The following TBC1D1 variants were observed in gnomAD, a reference collection of about 807,000 sequenced individuals.
The protein encoded by TBC1D1 is TBC1 (tre-2/USP6, BUB2, cdc16) domain family, member 1.
Under a neutral mutation model 125.6 loss-of-function variants are expected in TBC1D1, and 89 were observed. The observed-to-expected ratio is 0.71, with a 90% confidence interval of 0.60 to 0.85. The LOEUF (loss-of-function observed/expected upper bound fraction) is 0.85. Ranked by LOEUF, TBC1D1 falls within the 40% of genes least tolerant of loss-of-function variation. The pLI is 0.00. For synonymous variants in TBC1D1, 565 were observed against 564.1 expected (o/e 1.00, Z -0.02); for missense variants, 1,377 against 1,469.2 (o/e 0.94, Z 1.03).
chr4:37,921,246 C>T (rs1720918511), intron 2 of TBC1D1, among the ~76,000 whole-genome samples: 1 of 150,930 alleles, frequency 6.6e-6, no homozygotes, highest in Non-Finnish European at 1.5e-5. Flanking sequence ...TGACCTTTGG[C>T]AGTGGAGTAA....
At chr4:38,125,685 C>T (rs536247521) in intron 18 of TBC1D1, among the ~76,000 whole-genome samples, 23 of 152,090 alleles carry the variant, frequency 1.5e-4, no homozygotes, top group African/African-American at 5.1e-4. Flanking sequence ...GAACCATTAT[C>T]CTCTGAAGTG....
At chr4:37,930,095 A>G (rs894436291) in intron 2 of TBC1D1, among the ~76,000 whole-genome samples, 8 of 152,336 alleles carry the variant, frequency 5.3e-5, no homozygotes, top group African/African-American at 1.9e-4. Context: ...CAGTAGCCCA[A>G]AACTGGAAAC....
intron 12 of TBC1D1, among the ~76,000 whole-genome samples, chr4:38,088,876 T>TGCCCAATAG (rs1757979048): frequency 6.6e-6 from 1 of 152,216 alleles, no homozygotes; most frequent in Non-Finnish European, 1.5e-5. Context: ...CCCTATTAAG[T>TGCCCAATAG]GCAGTGCAAC....
chr4:38,135,526 G>A (rs549606132), intron 19 of TBC1D1, among the ~76,000 whole-genome samples: 23 of 152,358 alleles, frequency 1.5e-4, no homozygotes, highest in African/African-American at 4.8e-4. Flanking sequence ...AATAGCAAAT[G>A]ACCATGCAAA....
intron 2 of TBC1D1, among the ~76,000 whole-genome samples, chr4:38,006,021 T>C (rs1334147854): frequency 6.6e-6 from 1 of 152,212 alleles, no homozygotes; most frequent in African/African-American, 2.4e-5. Context: ...TGTATGTGAT[T>C]ACAGCCCTTT....
chr4:38,068,553 G>T (rs142195946), intron 12 of TBC1D1, among the ~76,000 whole-genome samples: 1 of 152,140 alleles, frequency 6.6e-6, no homozygotes, highest in Non-Finnish European at 1.5e-5. Context: ...TGTATGCCCC[G>T]ATGGAGAGCG....
At chr4:38,060,482 T>C (rs1752557796) in intron 12 of TBC1D1, 1 of 395,012 alleles carries the variant, frequency 2.5e-6, no homozygotes, top group Non-Finnish European at 4.7e-6. Flanking sequence ...ATCAGTGATG[T>C]TGAGCTTTTT....
intron 2 of TBC1D1, among the ~76,000 whole-genome samples, chr4:37,902,868 G>A (rs1716384068): frequency 6.6e-6 from 1 of 152,218 alleles, no homozygotes; most frequent in South Asian, 2.1e-4. Flanking sequence ...TTGTTAAAAT[G>A]TGAATCTTGA....
chr4:37,904,162 C>T (rs1196325831), intron 2 of TBC1D1, among the ~76,000 whole-genome samples: 1 of 152,080 alleles, frequency 6.6e-6, no homozygotes, highest in Non-Finnish European at 1.5e-5. Context: ...AGGTAGCACT[C>T]GACCTGAAAC....
At chr4:38,077,884 G>A (rs1039169933) in intron 12 of TBC1D1, among the ~76,000 whole-genome samples, 1 of 152,084 alleles carries the variant, frequency 6.6e-6, no homozygotes, top group African/African-American at 2.4e-5. Flanking sequence ...AACTGGGGTG[G>A]GTTGGAAGTA....
At chr4:38,135,909 TAC>T (rs898225580) in intron 19 of TBC1D1, among the ~76,000 whole-genome samples, 2 of 143,092 alleles carry the variant, frequency 1.4e-5, no homozygotes, top group African/African-American at 2.6e-5. Flanking sequence ...TGTGTATATA[TAC>T]GTGTGTGTGT....
chr4:38,107,245 C>A (rs540997137), intron 15 of TBC1D1, among the ~76,000 whole-genome samples: 1 of 152,296 alleles, frequency 6.6e-6, no homozygotes, highest in South Asian at 2.1e-4. Context: ...CCTGCCTGCC[C>A]GGCTGACTCC....
intron 1 of TBC1D1, among the ~76,000 whole-genome samples, chr4:37,896,278 T>C (rs1333252532): frequency 6.6e-6 from 1 of 152,120 alleles, no homozygotes; most frequent in Non-Finnish European, 1.5e-5. Context: ...TGTTGTACTG[T>C]CAGTTACTGT....
rs569834377 is a variant in TBC1D1 at position 37,894,711 on chromosome 4, GTTTA to G, written c.-94+3371_-94+3374del. On this transcript the variant is annotated intron_variant, in intron 1 of 19. Coordinates refer to ENST00000261439, the MANE Select transcript of TBC1D1 (RefSeq NM_015173.4). ...CAATATTATTTATTGCTATTATTAT[GTTTA>G]TTTATTTTATACTTTTAGAGTATAA... 1.9e-3 allele frequency among the ~76,000 whole-genome samples: 286 copies of G among 152,228 alleles called. 1 individual carries two copies. The highest frequency in any genetic ancestry group is 6.6e-3 in the African/African-American group (273 of 41,552).
intron 15 of TBC1D1, chr4:38,112,057 A>G (rs568835325): frequency 1.0e-5 from 10 of 985,468 alleles, no homozygotes; most frequent in Middle Eastern, 5.2e-4. Flanking sequence ...AAGAAAATCA[A>G]TGACAGTTTC....
At chr4:38,036,934 T>C (rs1220480031) in intron 8 of TBC1D1, among the ~76,000 whole-genome samples, 2 of 152,206 alleles carry the variant, frequency 1.3e-5, no homozygotes, top group African/African-American at 4.8e-5. Context: ...TGGTCTAAGT[T>C]TTCAGTTAAT....
At chr4:38,045,086 AAT>A (rs1749140344) in intron 9 of TBC1D1, among the ~76,000 whole-genome samples, 1 of 152,218 alleles carries the variant, frequency 6.6e-6, no homozygotes, top group South Asian at 2.1e-4. Context: ...AAGTTTGCCA[AAT>A]ATAGCTCTAT....
At chr4:38,125,176 T>A in intron 18 of TBC1D1, 45 bp downstream of exon 20, 1 of 1,581,160 alleles carries the variant, frequency 6.3e-7, no homozygotes, top group Non-Finnish European at 8.7e-7. Context: ...CCATCCTAGA[T>A]ATGTAGAAAC....
intron 2 of TBC1D1, among the ~76,000 whole-genome samples, chr4:37,948,826 T>C (rs957820040): frequency 1.3e-5 from 2 of 152,188 alleles, no homozygotes; most frequent in African/African-American, 4.8e-5. Flanking sequence ...TTCATCACTA[T>C]AGACTTGCAT....
Sources: allele counts gnomAD v4.1 joint callset (sites outside exome capture counted in the v4.1 genomes callset), GRCh38; gene constraint gnomAD v4.1.1; transcripts MANE v1.5; gene names NCBI Gene and HGNC (gene_info 2026-07-23, HGNC 2026-07-21).